PAK3: variants seen among roughly 807,000 people sequenced by gnomAD.
PAK3 encodes serine/threonine-protein kinase PAK 3.
A neutral mutation model predicts 41.0 loss-of-function variants in PAK3; 4 were observed. The ratio of observed to expected loss-of-function variants is 0.10; its 90% CI spans 0.05 to 0.22. The LOEUF is 0.22. Ranked by LOEUF, PAK3 falls within the 10% of genes least tolerant of loss-of-function variation. The pLI, the probability that PAK3 is intolerant of heterozygous loss-of-function variation, is 1.00. For synonymous variants in PAK3, 146 were observed against 139.6 expected (o/e 1.05, Z -0.32); for missense variants, 205 against 409.9 (o/e 0.50, Z 4.32).
intron 11 of PAK3, among the ~76,000 whole-genome samples, chrX:111,184,600 T>C (rs58248253): frequency 0.083 from 8,799 of 106,291 alleles, 820 homozygotes; most frequent in African/African-American, 0.27. Context: ...CCTTCCTGTG[T>C]CCATGTGTTC....
chrX:111,194,249 T>C (rs779190815), intron 13 of PAK3, 52 bp from the exon 14 acceptor site: 1 of 703,091 alleles, frequency 1.4e-6, no homozygotes, highest in South Asian at 2.1e-5. Flanking sequence ...AATATCAGAG[T>C]CCCCAGGTTT....
At chrX:110,996,715 G>C (rs2091747193) in intron 1 of PAK3, among the ~76,000 whole-genome samples, 1 of 111,571 alleles carries the variant, frequency 9.0e-6, no homozygotes, top group East Asian at 2.8e-4. Context: ...CATACAATGA[G>C]ATGGTGGCTG....
At chrX:111,028,854 T>C (rs1418247222) in intron 1 of PAK3, among the ~76,000 whole-genome samples, 2 of 111,765 alleles carry the variant, frequency 1.8e-5, no homozygotes, top group Non-Finnish European at 3.8e-5. Context: ...CAGTCTCAGC[T>C]GGGCACAGTG....
chrX:111,095,768 A>G (rs2092971694), upstream of PAK3, among the ~76,000 whole-genome samples: 1 of 111,362 alleles, frequency 9.0e-6, no homozygotes, highest in African/African-American at 3.3e-5. Flanking sequence ...TGGTGTCCCA[A>G]ATCGAAACCG....
At chrX:111,125,613 T>TA (rs771540025) in intron 5 of PAK3, among the ~76,000 whole-genome samples, 11 of 111,636 alleles carry the variant, frequency 9.9e-5, no homozygotes, top group Admixed American at 4.8e-4. Context: ...TTGAGTGACT[T>TA]AGAGTTCTAT....
chrX:111,205,185 C>A (rs1487823583), intron 16 of PAK3, among the ~76,000 whole-genome samples: 1 of 110,691 alleles, frequency 9.0e-6, no homozygotes, highest in East Asian at 2.8e-4. Flanking sequence ...GTAGGCTCCA[C>A]AATGCCCTAG....
intron 16 of PAK3, among the ~76,000 whole-genome samples, chrX:111,208,649 A>C (rs1441481811): frequency 8.9e-6 from 1 of 112,371 alleles, no homozygotes; most frequent in African/African-American, 3.2e-5. Context: ...GGTGTGTAGT[A>C]GGCTATTCAA....
intron 1 of PAK3, among the ~76,000 whole-genome samples, chrX:111,075,865 C>A (rs1409706585): frequency 1.8e-5 from 2 of 112,753 alleles, no homozygotes; most frequent in African/African-American, 6.4e-5. Context: ...ACCTTGGGAG[C>A]CCATCCCTCA....
intron 1 of PAK3, among the ~76,000 whole-genome samples, chrX:111,008,625 T>C (rs761098765): frequency 8.9e-5 from 10 of 112,565 alleles, no homozygotes; most frequent in South Asian, 3.7e-4. Context: ...TTTTAGCATG[T>C]CCACTTTACT....
At chrX:111,078,250 G>GT (rs903606212) in intron 1 of PAK3, among the ~76,000 whole-genome samples, 31 of 102,673 alleles carry the variant, frequency 3.0e-4, no homozygotes, top group South Asian at 4.4e-4. Flanking sequence ...AGCTATCATA[G>GT]TTTTTTTTTT....
chrX:111,045,293 CT>C lies in PAK3; in HGVS notation c.-27-77783del, dbSNP rs754939069. ...ACAAGTGAAAGGCAGAACCATGCTA[CT>C]AACACTTTCCACTATGTTATGGGCA... On this transcript the variant is annotated intron_variant, in intron 1 of 14. Transcript: ENST00000425146. Among the ~76,000 whole-genome samples the C allele has an allele frequency of 3.6e-5, 4 of 112,551 alleles. No homozygotes were observed. The East Asian group carries it at 1.1e-3, about 32-fold the overall frequency.
chrX:110,967,257 C>A (rs757069760), intron 1 of PAK3, among the ~76,000 whole-genome samples: 1 of 112,894 alleles, frequency 8.9e-6, no homozygotes, highest in Non-Finnish European at 1.9e-5. Flanking sequence ...TCAGGGACTA[C>A]GAGTGCAGAA....
At chrX:111,086,788 G>A (rs1224339441) in intron 1 of PAK3, among the ~76,000 whole-genome samples, 1 of 111,524 alleles carries the variant, frequency 9.0e-6, no homozygotes, top group African/African-American at 3.3e-5. Flanking sequence ...TTTGTAAGAA[G>A]CTTGAATTTG....
At chrX:111,168,080 T>A (rs188409003) in intron 10 of PAK3, among the ~76,000 whole-genome samples, 1 of 111,296 alleles carries the variant, frequency 9.0e-6, no homozygotes, top group African/African-American at 3.3e-5. Flanking sequence ...ATTTAGAGAA[T>A]CTTTTTACTT....
intron 1 of PAK3, among the ~76,000 whole-genome samples, chrX:111,067,005 G>T (rs144195453): frequency 1.8e-3 from 199 of 111,796 alleles, no homozygotes; most frequent in Non-Finnish European, 3.2e-3. Context: ...GATTTTTGTA[G>T]TCTGATATTT....
chrX:111,028,543 A>C (rs1049177717), intron 1 of PAK3, among the ~76,000 whole-genome samples: 3 of 111,702 alleles, frequency 2.7e-5, no homozygotes, highest in African/African-American at 9.8e-5. Flanking sequence ...ATAAGGGAAA[A>C]ATAATAATTT....
At chrX:111,166,176 T>C (rs1260684865) in intron 10 of PAK3, among the ~76,000 whole-genome samples, 3 of 111,559 alleles carry the variant, frequency 2.7e-5, no homozygotes, top group African/African-American at 9.8e-5. Flanking sequence ...ACTTTCCTGC[T>C]CCTGCTCCAC....
At chrX:110,965,657 G>T (rs773062583) in intron 1 of PAK3, among the ~76,000 whole-genome samples, 1 of 112,427 alleles carries the variant, frequency 8.9e-6, no homozygotes, top group East Asian at 2.8e-4. Flanking sequence ...ATTTATTCAA[G>T]CTTCAGTTTT....
chrX:111,029,456 G>A (rs2092315132), intron 1 of PAK3, among the ~76,000 whole-genome samples: 1 of 111,739 alleles, frequency 8.9e-6, no homozygotes, highest in East Asian at 2.8e-4. Context: ...CAATCAACGT[G>A]TATTTTGTAT....
Sources: gnomAD v4.1 joint callset for allele counts (sites outside exome capture counted in the v4.1 genomes callset) on GRCh38, gnomAD v4.1.1 for gene constraint, MANE v1.5 for transcripts, NCBI Gene and HGNC (gene_info 2026-07-23, HGNC 2026-07-21) for gene names.